The following CHRNB3 variants were observed in gnomAD, a reference collection of about 807,000 sequenced individuals.
CHRNB3 encodes the protein neuronal acetylcholine receptor subunit beta-3.
CHRNB3 carries 37 observed loss-of-function variants against 40.6 expected under a neutral mutation model. The ratio of observed to expected loss-of-function variants is 0.91; its 90% CI spans 0.70 to 1.20. The LOEUF is 1.20. Among genes scored for constraint, CHRNB3 ranks in the 50% most tolerant of loss-of-function variants. The pLI is 0.00. For missense variants in CHRNB3, 505 were observed against 551.2 expected (o/e 0.92, Z 0.84); for synonymous variants, 207 against 207.1 (o/e 1.00, Z 0.00).
intron 3 of CHRNB3, among the ~76,000 whole-genome samples, chr8:42,726,532 C>T (rs913362370): frequency 4.0e-5 from 6 of 148,668 alleles, no homozygotes; most frequent in African/African-American, 1.5e-4. Context: ...CAGAGCCAAG[C>T]TCTGTCATCC....
intron 3 of CHRNB3, among the ~76,000 whole-genome samples, chr8:42,712,784 G>A (rs1025885508): frequency 6.6e-6 from 1 of 151,494 alleles, no homozygotes; most frequent in African/African-American, 2.4e-5. Flanking sequence ...GGTGAAAACA[G>A]GCTTAGAAGT....
In CHRNB3 at chr8:42,710,520, A is replaced by G. The variant is rs1242916890; in HGVS notation, c.249+86A>G. The G allele has an allele frequency of 1.2e-5, 13 of 1,046,390 alleles. No homozygotes were observed. In the Admixed American group the frequency reaches 1.5e-4, roughly 12 times the overall value. 64.8% of individuals were successfully genotyped at this position (1,046,390 alleles called of 1,614,324 possible). ...GCTCCTATCTGAAAAACAATTATTTAAGAGGGCATATTGTGTTCCTCAGGG... is the reference window on the plus strand; with the variant it reads ...GCTCCTATCTGAAAAACAATTATTTGAGAGGGCATATTGTGTTCCTCAGGG... On this transcript the variant is annotated intron_variant, in intron 3 of 5. Transcript: ENST00000289957.
At chr8:42,711,458 G>C (rs1450434596) in intron 3 of CHRNB3, among the ~76,000 whole-genome samples, 1 of 151,460 alleles carries the variant, frequency 6.6e-6, no homozygotes, top group Non-Finnish European at 1.5e-5. Flanking sequence ...GCAGTGGCAT[G>C]ATCTCTGCTC....
intron 3 of CHRNB3, among the ~76,000 whole-genome samples, chr8:42,718,714 A>C (rs1168699665): frequency 1.4e-5 from 2 of 144,844 alleles, no homozygotes; most frequent in Non-Finnish European, 3.0e-5. Flanking sequence ...TAATTCGGGG[A>C]CTTTTTTTAT....
At chr8:42,701,772 G>A (rs185087690) in intron 1 of CHRNB3, among the ~76,000 whole-genome samples, 2 of 152,240 alleles carry the variant, frequency 1.3e-5, no homozygotes, top group Non-Finnish European at 2.9e-5. Flanking sequence ...TGAGTGAAGG[G>A]CTGCTCCCCA....
At chr8:42,701,404 C>A (rs536677116) in intron 1 of CHRNB3, among the ~76,000 whole-genome samples, 18 of 151,742 alleles carry the variant, frequency 1.2e-4, no homozygotes, top group African/African-American at 4.4e-4. Flanking sequence ...ATTAGCCAGG[C>A]ATGGTGGCAT....
chr8:42,728,348 G>C (rs7015920), intron 3 of CHRNB3, among the ~76,000 whole-genome samples: 4,883 of 152,122 alleles, frequency 0.032, 123 homozygotes, highest in Middle Eastern at 0.11. Flanking sequence ...AACATAGGCA[G>C]ACTTCATTTC....
chr8:42,703,195 G>A (rs181575338), intron 1 of CHRNB3, among the ~76,000 whole-genome samples: 373 of 151,938 alleles, frequency 2.5e-3, no homozygotes, highest in African/African-American at 8.5e-3. Context: ...AGGCCAAGGC[G>A]GGCAGATCAC....
intron 3 of CHRNB3, among the ~76,000 whole-genome samples, chr8:42,730,029 A>T (rs1473317188): frequency 1.3e-5 from 2 of 152,204 alleles, no homozygotes; most frequent in African/African-American, 2.4e-5. Context: ...TCCAAAAATA[A>T]ATTCAGATTA....
intron 3 of CHRNB3, among the ~76,000 whole-genome samples, chr8:42,720,235 C>A (rs1362580358): frequency 1.3e-5 from 2 of 150,400 alleles, no homozygotes; most frequent in African/African-American, 4.9e-5. Context: ...CCTGCCTCAG[C>A]CTCCTGAGTA....
chr8:42,726,229 C>G, intron 3 of CHRNB3: 1 of 793,094 alleles, frequency 1.3e-6, no homozygotes, highest in Non-Finnish European at 2.1e-6. Flanking sequence ...GCTCTGCCAT[C>G]TTTCTAGTGT....
chr8:42,724,879 G>T (rs1816278871), intron 3 of CHRNB3, among the ~76,000 whole-genome samples: 3 of 151,898 alleles, frequency 2.0e-5, no homozygotes, highest in Admixed American at 2.0e-4. Context: ...CTACTTGGGA[G>T]ACTGAGGTGG....
chr8:42,708,939 A>T lies in CHRNB3; in HGVS notation c.204+71A>T, dbSNP rs77885634. On this transcript the variant is annotated intron_variant, in intron 2 of 5. Transcript: ENST00000289957. The stretch of plus-strand genomic sequence containing the variant: ...ACCTGTTTATGAGTCTAAAATATAT[A>T]TTTTTCCCTATGTCTGCCATTTCAA... 2,853 of 1,371,588 alleles carry T rather than the reference A, an allele frequency of 2.1e-3. 53 individuals carry two copies. In the African/African-American group the frequency reaches 0.038, roughly 18 times the overall value. The allele number at this position is 1,371,588 out of a possible 1,614,324, so 85.0% of individuals were successfully genotyped here.
Position 42,736,678 on chromosome 8 carries a change from A to G in CHRNB3, c.*60A>G, listed in dbSNP as rs754588175. 3.0e-5 allele frequency: 48 copies of G among 1,590,470 alleles called. No individual in the cohort carries two copies. Among genetic ancestry groups the G allele is most frequent in the Non-Finnish European group, 4.0e-5 (47 of 1,161,102 alleles). ...GACCTGACATCTGGCTATCACACAG[A>G]CAGAATCCAAATGCATGTGCTTGTT... On this transcript the variant is annotated 3_prime_UTR_variant, in exon 6 of 6. Coordinates refer to ENST00000289957, the MANE Select transcript of CHRNB3 (RefSeq NM_000749.5).
intron 3 of CHRNB3, among the ~76,000 whole-genome samples, chr8:42,721,341 T>G (rs1816214717): frequency 6.6e-6 from 1 of 151,968 alleles, no homozygotes; most frequent in Non-Finnish European, 1.5e-5. Context: ...TCTCTGGGAG[T>G]CTCTGGGCTT....
intron 2 of CHRNB3, among the ~76,000 whole-genome samples, chr8:42,709,246 T>C (rs1015133140): frequency 6.6e-6 from 1 of 152,066 alleles, no homozygotes; most frequent in African/African-American, 2.4e-5. Flanking sequence ...CCTGGGCTGG[T>C]AGGGGGCTCT....
Position 42,703,435 on chromosome 8 carries a change from A to AAAAAATATAT in CHRNB3, c.53-5281_53-5280insAAAATATATA. 3.4e-4 allele frequency among the ~76,000 whole-genome samples: 16 copies of AAAAAATATAT among 47,408 alleles called. 2 individuals are homozygous for AAAAAATATAT. Among genetic ancestry groups the AAAAAATATAT allele is most frequent in the Middle Eastern group, 0.01 (1 of 96 alleles). The allele number at this position is 47,408 out of a possible 152,430, so 31.1% of individuals were successfully genotyped here. On this transcript the variant is annotated intron_variant, in intron 1 of 5. Coordinates refer to ENST00000289957, the MANE Select transcript of CHRNB3 (RefSeq NM_000749.5). ...CAAGACTTCGTCTAAAAAAAAAAAA[A>AAAAAATATAT]ATATTTATATATATATATATATATA...
intron 5 of CHRNB3, among the ~76,000 whole-genome samples, chr8:42,734,887 T>C (rs1319161190): frequency 6.6e-6 from 1 of 152,096 alleles, no homozygotes; most frequent in Non-Finnish European, 1.5e-5. Flanking sequence ...GCTGTCAAGT[T>C]GGGAGAATTT....
chr8:42,726,603 G>A (rs79369554), intron 3 of CHRNB3, among the ~76,000 whole-genome samples: 8,713 of 151,790 alleles, frequency 0.057, 328 homozygotes, highest in Middle Eastern at 0.11. Context: ...AGTTCAAGCG[G>A]TTCTCCTACC....
Sources: gnomAD v4.1 joint callset for allele counts (sites outside exome capture counted in the v4.1 genomes callset) on GRCh38, gnomAD v4.1.1 for gene constraint, MANE v1.5 for transcripts, NCBI Gene and HGNC (gene_info 2026-07-23, HGNC 2026-07-21) for gene names.